SNAP25: variants seen among roughly 807,000 people sequenced by gnomAD.
SNAP25 encodes synaptosomal-associated protein 25.
SNAP25 carries 3 observed loss-of-function variants against 28.7 expected under a neutral mutation model. That is an observed-to-expected ratio of 0.10 (90% CI 0.05 to 0.27). The LOEUF (loss-of-function observed/expected upper bound fraction) is 0.27. Ranked by LOEUF, SNAP25 falls within the 10% of genes least tolerant of loss-of-function variation. The pLI, the probability that SNAP25 is intolerant of heterozygous loss-of-function variation, is 1.00. For missense variants in SNAP25, 117 were observed against 278.7 expected (o/e 0.42, Z 4.13); for synonymous variants, 61 against 88.1 (o/e 0.69, Z 1.72).
At chr20:10,283,434 G>C (rs2063815095) in intron 3 of SNAP25, among the ~76,000 whole-genome samples, 1 of 152,102 alleles carries the variant, frequency 6.6e-6, no homozygotes, top group South Asian at 2.1e-4. Flanking sequence ...GCCACCCTGG[G>C]CCAGCCCTGT....
At chr20:10,297,611 G>A (rs1211278638) in intron 6 of SNAP25, among the ~76,000 whole-genome samples, 3 of 152,218 alleles carry the variant, frequency 2.0e-5, no homozygotes, top group Non-Finnish European at 4.4e-5. Context: ...ACAGGAGAAG[G>A]AATGATTATC....
In SNAP25 at chr20:10,282,394, A is replaced by G. The variant is rs76456867; in HGVS notation, c.115-2330A>G. 4.8e-3 allele frequency among the ~76,000 whole-genome samples: 732 copies of G among 152,294 alleles called. 31 individuals are homozygous for G. The East Asian group carries it at 0.12, about 24-fold the overall frequency. Reference sequence around the variant, plus strand: ...GTGACTGGTTGCTGGCTGAGCTAAGAGCACAACCCAGTGTTCGTGACTCCC... The same window carrying G: ...GTGACTGGTTGCTGGCTGAGCTAAGGGCACAACCCAGTGTTCGTGACTCCC... On this transcript the variant is annotated intron_variant, in intron 3 of 7. Coordinates refer to ENST00000254976, the MANE Select transcript of SNAP25 (RefSeq NM_130811.4).
intron 1 of SNAP25, among the ~76,000 whole-genome samples, chr20:10,257,352 C>A (rs957757993): frequency 1.3e-5 from 2 of 152,194 alleles, no homozygotes; most frequent in African/African-American, 2.4e-5. Flanking sequence ...AGGTGGATCA[C>A]TTGAGTTCAG....
intron 5 of SNAP25, chr20:10,296,294 G>C (rs2064107833): frequency 6.6e-6 from 1 of 152,426 alleles, no homozygotes; most frequent in African/African-American, 2.4e-5. Context: ...GTGACTGTTT[G>C]GAAGTACCGA....
chr20:10,261,162 C>T (rs1600706184), intron 1 of SNAP25, among the ~76,000 whole-genome samples: 1 of 151,810 alleles, frequency 6.6e-6, no homozygotes, highest in Non-Finnish European at 1.5e-5. Flanking sequence ...AGCTAAATAC[C>T]CTCATACCCT....
chr20:10,284,863 C>T lies in SNAP25; in HGVS notation c.163+91C>T, dbSNP rs1600755199. The T allele has an allele frequency of 6.0e-6, 6 of 1,005,128 alleles. No individual in the cohort carries two copies. In the East Asian group the frequency reaches 1.4e-4, roughly 24 times the overall value. The allele number at this position is 1,005,128 out of a possible 1,614,324, so 62.3% of individuals were successfully genotyped here. On this transcript the variant is annotated intron_variant, in intron 4 of 7. Transcript: ENST00000254976. ...GTGCATACGCAGATGGTCGCTTTGA[C>T]ATGTGTTACACATGTACACGAATGT...
At chr20:10,231,764 T>G (rs554622616) in intron 1 of SNAP25, 1 of 152,270 alleles carries the variant, frequency 6.6e-6, no homozygotes, top group South Asian at 2.1e-4. Context: ...TCAAAGGAAA[T>G]GCCTATTAGA....
At chr20:10,265,734 G>A (rs538815886) in intron 1 of SNAP25, among the ~76,000 whole-genome samples, 15 of 152,218 alleles carry the variant, frequency 9.9e-5, no homozygotes, top group East Asian at 7.7e-4. Context: ...AAATAACATC[G>A]CGTGGTCAAG....
At chr20:10,263,825 CAGT>C (rs1414529153) in intron 1 of SNAP25, among the ~76,000 whole-genome samples, 1 of 152,204 alleles carries the variant, frequency 6.6e-6, no homozygotes. Flanking sequence ...GCTGCACTAA[CAGT>C]AGCACTCTGT....
intron 1 of SNAP25, among the ~76,000 whole-genome samples, chr20:10,250,491 T>C (rs1286329543): frequency 6.6e-6 from 1 of 152,202 alleles, no homozygotes; most frequent in East Asian, 1.9e-4. Context: ...CCAAGTCCCC[T>C]GAGGAAGAAA....
chr20:10,264,578 A>G (rs1334567579), intron 1 of SNAP25, among the ~76,000 whole-genome samples: 1 of 152,202 alleles, frequency 6.6e-6, no homozygotes, highest in African/African-American at 2.4e-5. Flanking sequence ...TGGGAAGGAA[A>G]AGGGACCACC....
chr20:10,290,301 G>A (rs956135632), intron 4 of SNAP25, among the ~76,000 whole-genome samples: 1 of 152,006 alleles, frequency 6.6e-6, no homozygotes, highest in Non-Finnish European at 1.5e-5. Context: ...TAAATTAAAG[G>A]TTTGACTTAG....
At chr20:10,265,176 A>T (rs1431513778) in intron 1 of SNAP25, among the ~76,000 whole-genome samples, 4 of 152,194 alleles carry the variant, frequency 2.6e-5, no homozygotes, top group African/African-American at 9.7e-5. Flanking sequence ...TGAAAAGAGG[A>T]GATTGAATTT....
chr20:10,272,805 G>A (rs2063619939), intron 1 of SNAP25, among the ~76,000 whole-genome samples: 1 of 152,096 alleles, frequency 6.6e-6, no homozygotes, highest in Admixed American at 6.5e-5. Context: ...GGTAGAATAA[G>A]GCAACCCTGA....
intron 7 of SNAP25, among the ~76,000 whole-genome samples, chr20:10,299,646 C>A (rs886759448): frequency 6.6e-6 from 1 of 152,318 alleles, no homozygotes; most frequent in East Asian, 1.9e-4. Flanking sequence ...TCCTGTCAGC[C>A]AGGCATTGTG....
intron 1 of SNAP25, among the ~76,000 whole-genome samples, chr20:10,222,284 T>A (rs565009093): frequency 2.0e-5 from 3 of 152,350 alleles, no homozygotes; most frequent in African/African-American, 7.2e-5. Context: ...AGGACATATG[T>A]GATTAATTTC....
At chr20:10,257,073 C>A (rs2063330193) in intron 1 of SNAP25, among the ~76,000 whole-genome samples, 1 of 152,136 alleles carries the variant, frequency 6.6e-6, no homozygotes, top group Admixed American at 6.5e-5. Flanking sequence ...AAATATACTG[C>A]ATCCTGGGAT....
At chr20:10,294,356 A>C (rs898765788) in intron 5 of SNAP25, among the ~76,000 whole-genome samples, 3 of 152,210 alleles carry the variant, frequency 2.0e-5, no homozygotes, top group Admixed American at 6.5e-5. Context: ...TTGCAAAAAA[A>C]TTAAAAAATT....
Position 10,306,863 on chromosome 20 carries a change from T to C in SNAP25, c.*666T>C, listed in dbSNP as rs985541107. 1.3e-5 allele frequency: 2 copies of C among 154,418 alleles called. No homozygotes were observed. The highest frequency in any genetic ancestry group is 2.4e-5 in the African/African-American group (1 of 41,472). The allele number at this position is 154,418 out of a possible 1,614,324, so 9.6% of individuals were successfully genotyped here. On this transcript the variant is annotated 3_prime_UTR_variant, in exon 8 of 8. Coordinates refer to ENST00000254976, the MANE Select transcript of SNAP25 (RefSeq NM_130811.4). ...GAACAACAACAAAGCATGCTCAGTA[T>C]TGAGACACTGTCAAGATTAAGTTAT...
Sources: allele counts gnomAD v4.1 joint callset (sites outside exome capture counted in the v4.1 genomes callset), GRCh38; gene constraint gnomAD v4.1.1; transcripts MANE v1.5; gene names NCBI Gene and HGNC (gene_info 2026-07-23, HGNC 2026-07-21).